The following LAT2 variants were observed in gnomAD, a reference collection of about 807,000 sequenced individuals.
LAT2 encodes the protein linker for activation of T cells family member 2.
In LAT2, 23 loss-of-function variants were observed where a neutral mutation model predicts 43.4. The ratio of observed to expected loss-of-function variants is 0.53; its 90% CI spans 0.38 to 0.75. The LOEUF is 0.75. Among genes scored for constraint, LAT2 ranks in the 30% least tolerant of loss-of-function variants. The pLI is 0.00. For synonymous variants in LAT2, 128 were observed against 123.2 expected, an observed-to-expected ratio of 1.04 and a Z score of -0.26; for missense variants, 284 against 310.2, an observed-to-expected ratio of 0.92 and a Z score of 0.64.
chr7:74,223,810 T>C, intron 11 of LAT2, 27 bp downstream of exon 11: 1 of 1,610,376 alleles, frequency 6.2e-7, no homozygotes, highest in Non-Finnish European at 8.5e-7. Context: ...AGAGGCAGGC[T>C]GGGGCTGGGA....
At chr7:74,216,988 G>A (rs1006465002) in intron 4 of LAT2, 124 bp downstream of exon 4, 3 of 794,202 alleles carry the variant, frequency 3.8e-6, no homozygotes, top group African/African-American at 3.4e-5. Context: ...CCAAGTTCTA[G>A]TGGGTCCCTA....
intron 1 of LAT2, among the ~76,000 whole-genome samples, chr7:74,214,072 A>AAAT (rs1350791518): frequency 7.6e-6 from 1 of 131,710 alleles, no homozygotes; most frequent in Admixed American, 8.9e-5. Flanking sequence ...AAATATATAT[A>AAAT]AATATATATA....
intron 1 of LAT2, among the ~76,000 whole-genome samples, chr7:74,213,554 A>G (rs1456958144): frequency 2.7e-5 from 4 of 150,754 alleles, no homozygotes; most frequent in Non-Finnish European, 5.9e-5. Context: ...ACTCCTGATT[A>G]GCTGGGATCA....
intron 3 of LAT2, 30 bp downstream of exon 3, chr7:74,216,099 G>A (rs2116121818): frequency 6.4e-7 from 1 of 1,574,240 alleles, no homozygotes; most frequent in South Asian, 1.1e-5. Flanking sequence ...ACGTGATGGG[G>A]AGAAGGTGTG....
At chr7:74,216,949 T>C (rs1802068514) in intron 4 of LAT2, 85 bp downstream of exon 4, 2 of 1,136,502 alleles carry the variant, frequency 1.8e-6, no homozygotes, top group Admixed American at 3.5e-5. Context: ...CACCCCATCC[T>C]TCACCCCTTC....
At chr7:74,224,258 G>A (rs1802402307) in intron 12 of LAT2, 61 bp downstream of exon 12, 2 of 1,545,848 alleles carry the variant, frequency 1.3e-6, no homozygotes, top group African/African-American at 1.4e-5. Context: ...GGACTGGCCT[G>A]GAAGGGCAGG....
intron 1 of LAT2, among the ~76,000 whole-genome samples, chr7:74,212,605 C>G: frequency 6.6e-6 from 1 of 152,218 alleles, no homozygotes; most frequent in South Asian, 2.1e-4. Flanking sequence ...AAAACTGAGG[C>G]GGGGGGCTCT....
In LAT2 at chr7:74,221,706, C is replaced by A; in HGVS notation, c.388+14C>A. ...AGCCCCCAGAAGGTGAGGCGAAGGACAAAGCCGGAGGTGGAGGAAGTGGTG... is the reference window on the plus strand; with the variant it reads ...AGCCCCCAGAAGGTGAGGCGAAGGAAAAAGCCGGAGGTGGAGGAAGTGGTG... On this transcript the variant is annotated intron_variant, in intron 10 of 13. Transcript: ENST00000460943. 1 of 1,607,536 alleles carries A rather than the reference C, an allele frequency of 6.2e-7. No individual in the cohort carries two copies. The highest frequency in any genetic ancestry group is 8.5e-7 in the Non-Finnish European group (1 of 1,177,206).
rs1480856851 is a variant in LAT2 at position 74,219,980 on chromosome 7, G to C, written c.199G>C (p.Gly67Arg). 7.4e-6 allele frequency: 12 copies of C among 1,613,554 alleles called. No homozygotes were observed. Among genetic ancestry groups the C allele is most frequent in the African/African-American group, 1.3e-5 (1 of 74,934 alleles). Residue 67 changes from glycine to arginine, a missense_variant, in exon 6 of 14, where the codon GGA becomes CGA. By Grantham distance (125) the Gly-to-Arg change is moderately radical (BLOSUM62 -2). Coordinates refer to ENST00000460943, the MANE Select transcript of LAT2 (RefSeq NM_032464.3). The part of the protein sequence containing the change: ...TYSLVGQAWP[G>R]PLADMAPTRK... Reference sequence around the variant, plus strand: ...TGTAGTGGTCGGGCAGGCATGGCCAGGACCCCTGGCGGACATGGCACCCAC... The same window carrying C: ...TGTAGTGGTCGGGCAGGCATGGCCACGACCCCTGGCGGACATGGCACCCAC...
rs563625921 is a variant in LAT2 at position 74,227,091 on chromosome 7, A to G, written c.*19-1853A>G. ...TTTTTCGTTCCTGTCGCCCAGGCTG[A>G]AGTGCAATGGTGCAATCTTGGCTCA... On this transcript the variant is annotated intron_variant, in intron 13 of 13. Coordinates refer to ENST00000460943, the MANE Select transcript of LAT2 (RefSeq NM_032464.3). Among the ~76,000 whole-genome samples, 112 of 150,116 alleles carry G rather than the reference A, an allele frequency of 7.5e-4. 1 individual carries two copies. The highest frequency in any genetic ancestry group is 1.9e-3 in the South Asian group (9 of 4,740).
Position 74,223,711 on chromosome 7 carries a change from C to T in LAT2, c.389-13C>T, listed in dbSNP as rs782442622. The T allele has an allele frequency of 1.2e-6, 2 of 1,613,642 alleles. No individual in the cohort carries two copies. Among genetic ancestry groups the T allele is most frequent in the African/African-American group, 2.7e-5 (2 of 74,910 alleles). On this transcript the variant is annotated splice_polypyrimidine_tract_variant and intron_variant, in intron 10 of 13. Transcript: ENST00000460943. Reference sequence around the variant, plus strand: ...TGCCCACACCCCCGTGCCCACTCCTCTCTCTCCTGCAGATGATGATGCCAA... The same window carrying T: ...TGCCCACACCCCCGTGCCCACTCCTTTCTCTCCTGCAGATGATGATGCCAA...
chr7:74,226,923 A>AG (rs2116202443), intron 13 of LAT2, among the ~76,000 whole-genome samples: 1 of 147,110 alleles, frequency 6.8e-6, no homozygotes, highest in South Asian at 2.4e-4. Flanking sequence ...GCCAGGGGCC[A>AG]GGGAGGAGCA....
chr7:74,220,158 C>A lies in LAT2; in HGVS notation c.228-59C>A, dbSNP rs1427221183. 2 of 1,569,344 alleles carry A rather than the reference C, an allele frequency of 1.3e-6. No homozygotes were observed. Among genetic ancestry groups the A allele is most frequent in the South Asian group, 1.2e-5 (1 of 85,362 alleles). On this transcript the variant is annotated intron_variant, in intron 6 of 13. Coordinates refer to ENST00000460943, the MANE Select transcript of LAT2 (RefSeq NM_032464.3). The surrounding 1 kb of genome is among the most constrained non-coding windows in gnomAD (Gnocchi z 4.5). ...CCACAAGGGGTATGGGGGGATGTGT[C>A]CTGGGGGGCCTCTCCCCTACAGCCC...
chr7:74,216,958 T>G (rs1802068812), intron 4 of LAT2, 94 bp downstream of exon 4: 1 of 1,075,160 alleles, frequency 9.3e-7, no homozygotes, highest in Admixed American at 1.8e-5. Context: ...CTTCACCCCT[T>G]CACTCACACC....
rs372672996 is a variant in LAT2 at position 74,224,651 on chromosome 7, G to C, written c.641G>C (p.Arg214Thr). 1 of 1,602,838 alleles carries C rather than the reference G, an allele frequency of 6.2e-7. No homozygotes were observed. Among genetic ancestry groups the C allele is most frequent in the Non-Finnish European group, 8.5e-7 (1 of 1,174,958 alleles). The change falls in exon 13 of 14, where the codon AGA becomes ACA. Residue 214 changes from arginine (R) to threonine (T), a missense_variant. Coordinates refer to ENST00000460943, the MANE Select transcript of LAT2 (RefSeq NM_032464.3). ...ESRKVMGQLQREASPGPVGSP... is the reference protein window; with the variant it reads ...ESRKVMGQLQTEASPGPVGSP... Reference sequence around the variant, plus strand: ...CGCTGGTCCACAGGGCAACTCCAGAGAGAAGCATCCCCTGGCCCGGTGGGA... The same window carrying C: ...CGCTGGTCCACAGGGCAACTCCAGACAGAAGCATCCCCTGGCCCGGTGGGA...
chr7:74,213,731 T>C (rs1554713534), intron 1 of LAT2, among the ~76,000 whole-genome samples: 1 of 152,006 alleles, frequency 6.6e-6, no homozygotes, highest in Admixed American at 6.6e-5. Context: ...CTGGAGCTCC[T>C]CCCTTTTAAG....
chr7:74,227,453 A>C (rs1346925686), intron 13 of LAT2, among the ~76,000 whole-genome samples: 4 of 151,928 alleles, frequency 2.6e-5, no homozygotes, highest in Non-Finnish European at 2.9e-5. Context: ...CTCCTGACCT[A>C]AAGTGATCGG....
chr7:74,213,552 T>G (rs558883197), intron 1 of LAT2, among the ~76,000 whole-genome samples: 2 of 151,400 alleles, frequency 1.3e-5, no homozygotes, highest in African/African-American at 2.4e-5. Context: ...AGACTCCTGA[T>G]TAGCTGGGAT....
intron 3 of LAT2, among the ~76,000 whole-genome samples, chr7:74,216,440 T>C (rs1420082731): frequency 2.0e-5 from 3 of 152,120 alleles, no homozygotes; most frequent in Admixed American, 2.0e-4. Flanking sequence ...GATGCAATCT[T>C]GGCTCACTGT....
Sources: gnomAD v4.1 joint callset for allele counts (sites outside exome capture counted in the v4.1 genomes callset) on GRCh38, gnomAD v4.1.1 for gene constraint, Gnocchi (gnomAD v3.1) non-coding constraint, MANE v1.5 for transcripts, NCBI Gene and HGNC (gene_info 2026-07-23, HGNC 2026-07-21) for gene names.